Variants in LIN7A observed in about 807,000 individuals in gnomAD.
The protein encoded by LIN7A is protein lin-7 homolog A.
Under a neutral mutation model 29.8 loss-of-function variants are expected in LIN7A, and 25 were observed. The observed-to-expected ratio is 0.84, with a 90% confidence interval of 0.61 to 1.17. LIN7A has a LOEUF of 1.17. Ranked by LOEUF, LIN7A falls within the 50% of genes most tolerant of loss-of-function variation. The probability of loss-of-function intolerance (pLI) is 0.00; values close to 1 mark genes in which losing one functional copy is unlikely to be tolerated. For missense variants in LIN7A, 239 were observed against 287.0 expected (o/e 0.83, Z 1.21); for synonymous variants, 118 against 107.5 (o/e 1.10, Z -0.60).
chr12:80,907,053 CTCTGTGTGTGTGTGTGTG>C (rs1876516047), intron 1 of LIN7A, among the ~76,000 whole-genome samples: 1 of 132,948 alleles, frequency 7.5e-6, no homozygotes, highest in African/African-American at 3.1e-5. Context: ...AGAGTGCGTG[CTCTGTGTGTGTGTGTGTG>C]TGTGTGTGTG....
chr12:80,820,365 G>A (rs1871739635), intron 4 of LIN7A, among the ~76,000 whole-genome samples: 1 of 152,198 alleles, frequency 6.6e-6, no homozygotes, highest in Non-Finnish European at 1.5e-5. Flanking sequence ...AGTGGAGAAT[G>A]CAGAGCATTA....
At chr12:80,832,676 C>T (rs1294457286) in intron 4 of LIN7A, 4 of 440,764 alleles carry the variant, frequency 9.1e-6, no homozygotes, top group Non-Finnish European at 1.8e-5. Flanking sequence ...CCCTTCAACT[C>T]TACTCTTTAG....
chr12:80,811,660 C>T lies in LIN7A; in HGVS notation c.507G>A (p.Glu169=), dbSNP rs1190361843. Residue 169 remains glutamate (E), a synonymous_variant, in exon 5 of 6, where the codon GAG becomes GAA. Coordinates refer to ENST00000552864, the MANE Select transcript of LIN7A (RefSeq NM_004664.4). ...NGVSVEGEHH[E]KAVELLKAAK... ...CAGCCTTGAGTAGTTCCACAGCTTT[C>T]TCATGGTGTTCTCCTTCCACACTCT... 1 of 1,611,780 alleles carries T rather than the reference C, an allele frequency of 6.2e-7. No individual in the cohort carries two copies. The highest frequency in any genetic ancestry group is 1.3e-5 in the African/African-American group (1 of 75,010).
chr12:80,888,021 T>C (rs1442509636), intron 2 of LIN7A, among the ~76,000 whole-genome samples: 1 of 152,066 alleles, frequency 6.6e-6, no homozygotes, highest in African/African-American at 2.4e-5. Flanking sequence ...GCTCATGCAG[T>C]TTTGAGATAT....
intron 4 of LIN7A, among the ~76,000 whole-genome samples, chr12:80,822,313 T>C (rs1871845575): frequency 6.6e-6 from 1 of 152,120 alleles, no homozygotes; most frequent in Admixed American, 6.5e-5. Flanking sequence ...ATCCTAGCAC[T>C]TTGGGAGGCT....
chr12:80,812,450 T>TAAA (rs199686456), intron 4 of LIN7A, among the ~76,000 whole-genome samples: 12 of 131,518 alleles, frequency 9.1e-5, no homozygotes, highest in African/African-American at 3.0e-4. Flanking sequence ...TCAAACACTG[T>TAAA]AAAAAAAAAA....
At chr12:80,814,251 G>A (rs1032905647) in intron 4 of LIN7A, among the ~76,000 whole-genome samples, 7 of 152,026 alleles carry the variant, frequency 4.6e-5, no homozygotes, top group African/African-American at 1.7e-4. Context: ...TGACAGCATC[G>A]TGCAATATAA....
At chr12:80,868,296 C>T (rs545562095) in intron 2 of LIN7A, among the ~76,000 whole-genome samples, 7 of 152,304 alleles carry the variant, frequency 4.6e-5, no homozygotes, top group African/African-American at 7.2e-5. Flanking sequence ...TGGCCAGGAA[C>T]GGTGGCTCAC....
intron 1 of LIN7A, among the ~76,000 whole-genome samples, chr12:80,894,303 G>C (rs1875772794): frequency 6.6e-6 from 1 of 152,076 alleles, no homozygotes; most frequent in Admixed American, 6.6e-5. Flanking sequence ...ATAAGAACTG[G>C]GGAGGCTGCC....
At position 80,796,463 on chromosome 12, in the gene LIN7A, A is replaced by G. The variant is rs1484903125; in HGVS notation, c.*1264T>C. 3 of 152,130 alleles carry G rather than the reference A, an allele frequency of 2.0e-5. No individual in the cohort carries two copies. The highest frequency in any genetic ancestry group is 4.4e-5 in the Non-Finnish European group (3 of 68,016). The allele number at this position is 152,130 out of a possible 1,614,324, so 9.4% of individuals were successfully genotyped here. A position where few individuals can be genotyped will look rare whatever the true frequency, so the allele number is the denominator to read the frequency against. On this transcript the variant is annotated 3_prime_UTR_variant, in exon 6 of 6. Transcript: ENST00000552864. Reference sequence around the variant, plus strand: ...ATAACAGATTATTTTCCAGTGAATGATATTTTCTGAAAAATGATATCTCAT... The same window carrying G: ...ATAACAGATTATTTTCCAGTGAATGGTATTTTCTGAAAAATGATATCTCAT...
intron 1 of LIN7A, among the ~76,000 whole-genome samples, chr12:80,915,108 A>G (rs186336082): frequency 3.6e-4 from 54 of 151,836 alleles, no homozygotes; most frequent in African/African-American, 1.2e-3. Context: ...TATATCTGGC[A>G]AAGGTCTAAT....
intron 1 of LIN7A, among the ~76,000 whole-genome samples, chr12:80,896,441 A>C (rs935417012): frequency 2.6e-5 from 4 of 152,246 alleles, no homozygotes; most frequent in Admixed American, 1.3e-4. Flanking sequence ...GTGTACCAAC[A>C]ACATAAAATA....
At chr12:80,896,751 A>C (rs1875921124) in intron 1 of LIN7A, among the ~76,000 whole-genome samples, 2 of 152,230 alleles carry the variant, frequency 1.3e-5, no homozygotes, top group Admixed American at 1.3e-4. Flanking sequence ...ACAACACTGA[A>C]GTGTATCACA....
chr12:80,852,485 A>G (rs1873381879), intron 2 of LIN7A, among the ~76,000 whole-genome samples: 1 of 152,160 alleles, frequency 6.6e-6, no homozygotes, highest in Non-Finnish European at 1.5e-5. Flanking sequence ...GTAAAAGCCT[A>G]TATTCAAAGA....
intron 4 of LIN7A, among the ~76,000 whole-genome samples, chr12:80,845,162 G>A (rs1429030361): frequency 2.0e-5 from 3 of 151,042 alleles, no homozygotes; most frequent in South Asian, 2.1e-4. Context: ...GTGTGAACCC[G>A]GGAGGCGGAG....
chr12:80,859,930 T>A (rs1361705799), intron 2 of LIN7A, among the ~76,000 whole-genome samples: 1 of 152,180 alleles, frequency 6.6e-6, no homozygotes, highest in Non-Finnish European at 1.5e-5. Context: ...GTTTTCTTTA[T>A]TTTTTACACT....
At chr12:80,825,082 A>G (rs1322701895) in intron 4 of LIN7A, among the ~76,000 whole-genome samples, 3 of 152,206 alleles carry the variant, frequency 2.0e-5, no homozygotes, top group Non-Finnish European at 4.4e-5. Context: ...CGATTTGCTG[A>G]TAATATGATT....
At chr12:80,874,261 T>C (rs950887939) in intron 2 of LIN7A, among the ~76,000 whole-genome samples, 7 of 152,326 alleles carry the variant, frequency 4.6e-5, no homozygotes, top group African/African-American at 1.7e-4. Context: ...TGAAAATGGT[T>C]TTTCTGTCTT....
intron 2 of LIN7A, among the ~76,000 whole-genome samples, chr12:80,882,686 C>T: frequency 6.6e-6 from 1 of 152,172 alleles, no homozygotes; most frequent in Admixed American, 6.5e-5. Flanking sequence ...TGATTCTTAA[C>T]TATTATTTCT....
Sources: allele counts gnomAD v4.1 joint callset (sites outside exome capture counted in the v4.1 genomes callset), GRCh38; gene constraint gnomAD v4.1.1; transcripts MANE v1.5; gene names NCBI Gene and HGNC (gene_info 2026-07-23, HGNC 2026-07-21).